TTC28: variants seen among roughly 807,000 people sequenced by gnomAD.
TTC28 encodes the protein tetratricopeptide repeat protein 28.
In TTC28, 61 loss-of-function variants were observed where a neutral mutation model predicts 198.0. That is an observed-to-expected ratio of 0.31 (90% CI 0.25 to 0.38). The LOEUF (loss-of-function observed/expected upper bound fraction) is 0.38, where lower values mean the gene tolerates loss of function less well. Ranked by LOEUF, TTC28 falls within the 10% of genes least tolerant of loss-of-function variation. The pLI, the probability that TTC28 is intolerant of heterozygous loss-of-function variation, is 1.00. For missense variants in TTC28, 2,678 were observed against 3,164.0 expected, an observed-to-expected ratio of 0.85 and a Z score of 3.69; for synonymous variants, 1,171 against 1,297.8, an observed-to-expected ratio of 0.90 and a Z score of 2.10.
At chr22:28,033,620 T>C (rs1454574616) in intron 12 of TTC28, among the ~76,000 whole-genome samples, 1 of 152,250 alleles carries the variant, frequency 6.6e-6, no homozygotes, top group African/African-American at 2.4e-5. Flanking sequence ...AACAATTCTT[T>C]ATCTTAAACT....
At chr22:28,041,534 A>G (rs1466258848) in intron 12 of TTC28, among the ~76,000 whole-genome samples, 3 of 152,264 alleles carry the variant, frequency 2.0e-5, no homozygotes. Flanking sequence ...AGCCATATGT[A>G]GAAAGCTGAA....
chr22:28,601,170 T>C (rs902518437), intron 2 of TTC28, among the ~76,000 whole-genome samples: 9 of 152,178 alleles, frequency 5.9e-5, no homozygotes, highest in African/African-American at 1.9e-4. Context: ...AGGAAATAGA[T>C]CTATAATTTT....
At chr22:28,206,422 A>G (rs992598072) in intron 5 of TTC28, among the ~76,000 whole-genome samples, 2 of 152,178 alleles carry the variant, frequency 1.3e-5, no homozygotes, top group South Asian at 2.1e-4. Flanking sequence ...TCTTTCAACT[A>G]TAATAACATT....
chr22:28,577,552 C>T (rs1315384189), intron 2 of TTC28, among the ~76,000 whole-genome samples: 1 of 152,080 alleles, frequency 6.6e-6, no homozygotes, highest in Non-Finnish European at 1.5e-5. Context: ...CTGTCCAATG[C>T]TGAAAGTGAG....
chr22:28,580,762 C>A (rs1283345162), intron 2 of TTC28, among the ~76,000 whole-genome samples: 1 of 152,048 alleles, frequency 6.6e-6, no homozygotes, highest in Non-Finnish European at 1.5e-5. Flanking sequence ...TAAAGTAATT[C>A]ATAAAATCTG....
At chr22:28,621,759 A>AAAG (rs2051003051) in intron 2 of TTC28, among the ~76,000 whole-genome samples, 1 of 144,862 alleles carries the variant, frequency 6.9e-6, no homozygotes, top group Non-Finnish European at 1.5e-5. Context: ...AAAAAAAAAA[A>AAAG]AAAGAAAGAA....
At chr22:28,141,056 CA>C (rs1305881132) in intron 6 of TTC28, among the ~76,000 whole-genome samples, 2 of 151,426 alleles carry the variant, frequency 1.3e-5, no homozygotes, top group Non-Finnish European at 2.9e-5. Flanking sequence ...TGATGAAACA[CA>C]TTCAGAGAGA....
chr22:28,595,628 A>G (rs554154939), intron 2 of TTC28, among the ~76,000 whole-genome samples: 3 of 152,296 alleles, frequency 2.0e-5, no homozygotes, highest in South Asian at 2.1e-4. Flanking sequence ...CATATCTTTA[A>G]TAAGTAATAA....
chr22:28,079,310 G>T (rs1941261892), intron 12 of TTC28, among the ~76,000 whole-genome samples: 1 of 152,114 alleles, frequency 6.6e-6, no homozygotes, highest in African/African-American at 2.4e-5. Context: ...ATGTAGCAGT[G>T]GTGACAGAAG....
At chr22:28,118,823 T>C (rs894005647) in intron 6 of TTC28, among the ~76,000 whole-genome samples, 1 of 152,236 alleles carries the variant, frequency 6.6e-6, no homozygotes, top group African/African-American at 2.4e-5. Context: ...TATTAGCCCT[T>C]ATATGCTGCA....
intron 5 of TTC28, among the ~76,000 whole-genome samples, chr22:28,201,282 A>G (rs1211233829): frequency 6.6e-6 from 1 of 152,130 alleles, no homozygotes; most frequent in Non-Finnish European, 1.5e-5. Flanking sequence ...ACCATGATGC[A>G]CTCTGTTTTC....
intron 2 of TTC28, among the ~76,000 whole-genome samples, chr22:28,399,659 C>T (rs1257244760): frequency 1.3e-5 from 2 of 152,190 alleles, no homozygotes; most frequent in Non-Finnish European, 2.9e-5. Context: ...TTTCTATAAT[C>T]ACACAAACTG....
intron 2 of TTC28, among the ~76,000 whole-genome samples, chr22:28,598,539 T>C (rs1386106763): frequency 7.3e-6 from 1 of 137,812 alleles, no homozygotes. Context: ...AAAAAAGTGA[T>C]AAGCACTACT....
chr22:28,500,026 T>C (rs2048513954), intron 2 of TTC28, among the ~76,000 whole-genome samples: 1 of 152,184 alleles, frequency 6.6e-6, no homozygotes, highest in Non-Finnish European at 1.5e-5. Flanking sequence ...CACTAGAATT[T>C]GAATAACTTT....
chr22:28,394,481 G>A (rs952408388), intron 2 of TTC28, among the ~76,000 whole-genome samples: 53 of 152,298 alleles, frequency 3.5e-4, no homozygotes, highest in African/African-American at 1.3e-3. Context: ...CACATAAGGA[G>A]TACTTCCCTG....
At chr22:28,011,423 C>T (rs908086717) in intron 14 of TTC28, among the ~76,000 whole-genome samples, 41 of 152,164 alleles carry the variant, frequency 2.7e-4, no homozygotes, top group African/African-American at 9.2e-4. Flanking sequence ...TGGTGAAACC[C>T]TGTCCCTACA....
chr22:28,418,464 T>A (rs2047198539), intron 2 of TTC28, among the ~76,000 whole-genome samples: 1 of 152,210 alleles, frequency 6.6e-6, no homozygotes, highest in Non-Finnish European at 1.5e-5. Flanking sequence ...ACATAAATTC[T>A]CAGCAATATG....
At chr22:28,208,194 C>T (rs2147170646) in intron 5 of TTC28, among the ~76,000 whole-genome samples, 1 of 152,270 alleles carries the variant, frequency 6.6e-6, no homozygotes, top group East Asian at 1.9e-4. Context: ...GAAGCACACA[C>T]TAAATACACA....
intron 2 of TTC28, among the ~76,000 whole-genome samples, chr22:28,615,483 T>C (rs2050888895): frequency 6.6e-6 from 1 of 152,122 alleles, no homozygotes; most frequent in African/African-American, 2.4e-5. Context: ...CATGCTGCTA[T>C]AAAGACACAT....
Sources: allele counts gnomAD v4.1 joint callset (sites outside exome capture counted in the v4.1 genomes callset), GRCh38; gene constraint gnomAD v4.1.1; transcripts MANE v1.5; gene names NCBI Gene and HGNC (gene_info 2026-07-23, HGNC 2026-07-21).